Variants in FAM234A observed in about 807,000 individuals in gnomAD.
FAM234A encodes the protein protein FAM234A.
In FAM234A, 42 loss-of-function variants were observed where a neutral mutation model predicts 49.1. The ratio of observed to expected loss-of-function variants is 0.86; its 90% CI spans 0.67 to 1.11. The LOEUF is 1.11. Ranked by LOEUF, FAM234A falls within the 50% of genes least tolerant of loss-of-function variation. FAM234A has a pLI of 0.00. For missense variants in FAM234A, 815 were observed against 745.2 expected (o/e 1.09, Z -1.09); for synonymous variants, 369 against 316.2 (o/e 1.17, Z -1.77).
chr16:252,249 T>C (rs1458818240), intron 2 of FAM234A, among the ~76,000 whole-genome samples: 1 of 149,842 alleles, frequency 6.7e-6, no homozygotes, highest in South Asian at 2.1e-4. Context: ...TGGCGCGATC[T>C]TGGCTCACTA....
chr16:260,211 AC>A (rs757163138), intron 5 of FAM234A, 51 bp downstream of exon 5: 5 of 1,550,648 alleles, frequency 3.2e-6, no homozygotes, highest in Non-Finnish European at 2.7e-6. Context: ...CACCTGAGCC[AC>A]CTCACCCTGA....
Position 265,596 on chromosome 16 carries a change from T to C in FAM234A, c.*574T>C. The C allele has an allele frequency of 1.0e-6, 1 of 985,820 alleles. No individual in the cohort carries two copies. The highest frequency in any genetic ancestry group is 1.2e-6 in the Non-Finnish European group (1 of 830,282). 61.1% of individuals were successfully genotyped at this position (985,820 alleles called of 1,614,324 possible). A position where few individuals can be genotyped will look rare whatever the true frequency, so the allele number is the denominator to read the frequency against. On this transcript the variant is annotated 3_prime_UTR_variant, in exon 13 of 13. Coordinates refer to ENST00000399932, the MANE Select transcript of FAM234A (RefSeq NM_032039.4). ...CCTTCCCGGAGCTACAGGGGGATCCTCTAGCATGGGGGGTGTGACTTGGTT... is the reference window on the plus strand; with the variant it reads ...CCTTCCCGGAGCTACAGGGGGATCCCCTAGCATGGGGGGTGTGACTTGGTT...
chr16:264,990 T>A lies in FAM234A; in HGVS notation c.1627T>A (p.Phe543Ile), dbSNP rs778613284. ...CAGTGACCAAGCCATCAGGGACCGGTTCTCCCGGCTGCGGTACCAGAGTGA... is the reference window on the plus strand; with the variant it reads ...CAGTGACCAAGCCATCAGGGACCGGATCTCCCGGCTGCGGTACCAGAGTGA... ...PDSDQAIRDR[F>I]SRLRYQSEA Residue 543 changes from phenylalanine to isoleucine, a missense_variant, in exon 13 of 13, where the codon TTC becomes ATC. Physicochemically the swap from Phe to Ile is conservative, Grantham distance 21. Coordinates refer to ENST00000399932, the MANE Select transcript of FAM234A (RefSeq NM_032039.4). 2.0e-5 allele frequency: 32 copies of A among 1,610,862 alleles called. No homozygotes were observed. The highest frequency in any genetic ancestry group is 1.6e-4 in the Middle Eastern group (1 of 6,078).
At position 265,422 on chromosome 16, in the gene FAM234A, A is replaced by G; in HGVS notation, c.*400A>G. 2.0e-6 allele frequency: 2 copies of G among 1,010,462 alleles called. No homozygotes were observed. The highest frequency in any genetic ancestry group is 2.4e-6 in the Non-Finnish European group (2 of 846,798). The allele number at this position is 1,010,462 out of a possible 1,614,324, so 62.6% of individuals were successfully genotyped here. A position where few individuals can be genotyped will look rare whatever the true frequency, so the allele number is the denominator to read the frequency against. On this transcript the variant is annotated 3_prime_UTR_variant, in exon 13 of 13. Transcript: ENST00000399932. Reference sequence around the variant, plus strand: ...GCCAGAGCGGCCATCGCGTAGAAAGAACCAGGGTGTCCCCGGGACAGGCCG... The same window carrying G: ...GCCAGAGCGGCCATCGCGTAGAAAGGACCAGGGTGTCCCCGGGACAGGCCG...
chr16:263,323 G>T lies in FAM234A; in HGVS notation c.1033G>T (p.Val345Leu), dbSNP rs371412736. The T allele has an allele frequency of 5.0e-6, 8 of 1,613,240 alleles. No individual in the cohort carries two copies. Among genetic ancestry groups the T allele is most frequent in the Non-Finnish European group, 6.8e-6 (8 of 1,180,006 alleles). The change falls in exon 9 of 13, where the codon GTG becomes TTG. Residue 345 changes from valine (V) to leucine (L), a missense_variant. Val to Leu is a conservative substitution (Grantham distance 32). Transcript: ENST00000399932. ...GAACGCCGGTGCAGATGTGCTTCTTGTGGGCTCAGAGGCCTTCGTGCTGCT... is the reference window on the plus strand; with the variant it reads ...GAACGCCGGTGCAGATGTGCTTCTTTTGGGCTCAGAGGCCTTCGTGCTGCT... ...PGNAGADVLLVGSEAFVLLDG... is the reference protein window; with the variant it reads ...PGNAGADVLLLGSEAFVLLDG...
In FAM234A at chr16:259,591, T is replaced by C. The variant is rs1269549109; in HGVS notation, c.377T>C (p.Val126Ala). 1.3e-6 allele frequency: 2 copies of C among 1,587,230 alleles called. No homozygotes were observed. The highest frequency in any genetic ancestry group is 3.4e-5 in the Admixed American group (2 of 59,080). ...NSSNNFSRSC[V>A]DEGFSSPCTF... The stretch of plus-strand genomic sequence containing the variant: ...AGCAACAATTTCAGCCGATCCTGTG[T>C]GGACGAAGGTAATTTCATTTTATAT... The change falls in exon 4 of 13, where the codon GTG (valine) becomes GCG (alanine). Residue 126 changes from valine to alanine, a missense_variant. Coordinates refer to ENST00000399932, the MANE Select transcript of FAM234A (RefSeq NM_032039.4).
At chr16:263,869 G>A (rs548420101) in intron 10 of FAM234A, 94 bp downstream of exon 10, 15 of 1,394,652 alleles carry the variant, frequency 1.1e-5, no homozygotes, top group Admixed American at 5.1e-5. Flanking sequence ...GGAGGCTGCT[G>A]CCGTCAGAGC....
At chr16:267,911 A>G (rs1036090638), downstream of FAM234A, among the ~76,000 whole-genome samples, 7 of 142,944 alleles carry the variant, frequency 4.9e-5, no homozygotes, top group African/African-American at 8.0e-5. Context: ...TGCATGCCTC[A>G]CAGTACACCT....
intron 3 of FAM234A, among the ~76,000 whole-genome samples, chr16:257,040 C>T (rs1251667012): frequency 6.6e-6 from 1 of 152,002 alleles, no homozygotes; most frequent in African/African-American, 2.4e-5. Context: ...CCACGCTTGG[C>T]CGTAACTTTT....
At chr16:246,678 T>C (rs973015614) in intron 1 of FAM234A, among the ~76,000 whole-genome samples, 5 of 151,464 alleles carry the variant, frequency 3.3e-5, no homozygotes, top group Non-Finnish European at 7.4e-5. Flanking sequence ...TTTGGCCTCC[T>C]AAAGTGCTGG....
At chr16:268,164 CTGCACACG>C (rs2051758507), downstream of FAM234A, 4 of 166,274 alleles carry the variant, frequency 2.4e-5, no homozygotes, top group Middle Eastern at 6.3e-3. Flanking sequence ...CTCAGTACAC[CTGCACACG>C]TGCACTACAC....
chr16:267,920 C>G (rs1434944601), downstream of FAM234A, among the ~76,000 whole-genome samples: 1 of 149,018 alleles, frequency 6.7e-6, no homozygotes, highest in Admixed American at 6.9e-5. Context: ...CACAGTACAC[C>G]TGCACACGTG....
Position 262,233 on chromosome 16 carries a change from G to T in FAM234A, c.841+8G>T. 1.2e-6 allele frequency: 2 copies of T among 1,613,672 alleles called. No individual in the cohort carries two copies. Among genetic ancestry groups the T allele is most frequent in the Non-Finnish European group, 1.7e-6 (2 of 1,179,848 alleles). On this transcript the variant is annotated splice_region_variant and intron_variant, in intron 7 of 12. Transcript: ENST00000399932. Reference sequence around the variant, plus strand: ...ACATCCTCTTTCCCTGCGGTACGTTGTTTCTGCCACATCCCTGGCCAGCCT... The same window carrying T: ...ACATCCTCTTTCCCTGCGGTACGTTTTTTCTGCCACATCCCTGGCCAGCCT...
chr16:259,975 C>G lies in FAM234A; in HGVS notation c.392C>G (p.Ser131Cys). 6.2e-7 allele frequency: 1 copy of G among 1,612,926 alleles called. No homozygotes were observed. The highest frequency in any genetic ancestry group is 8.5e-7 in the Non-Finnish European group (1 of 1,179,752). Residue 131 changes from serine (S) to cysteine (C), a missense_variant, in exon 5 of 13, where the codon TCC becomes TGC. Transcript: ENST00000399932. ...FSRSCVDEGF[S>C]SPCTFAAAVS... The stretch of plus-strand genomic sequence containing the variant: ...CCGGTGTCTCTCCCTACAGGCTTTT[C>G]CTCTCCCTGCACCTTTGCAGCTGCT...
downstream of FAM234A, chr16:269,344 G>A (rs1215113499): frequency 6.2e-7 from 1 of 1,603,556 alleles, no homozygotes; most frequent in Non-Finnish European, 8.5e-7. Flanking sequence ...GTGCAGGGCT[G>A]GGGCTCGAGT....
chr16:240,843 T>A (rs1450817899), intron 1 of FAM234A, among the ~76,000 whole-genome samples: 1 of 152,196 alleles, frequency 6.6e-6, no homozygotes, highest in African/African-American at 2.4e-5. Flanking sequence ...CTTTTCAGTT[T>A]CTGTTTCTAA....
chr16:259,379 C>T (rs1474748118), intron 3 of FAM234A, 104 bp from the exon 4 acceptor site: 4 of 693,190 alleles, frequency 5.8e-6, no homozygotes, highest in Non-Finnish European at 1.0e-5. Context: ...GGTGCCCTCA[C>T]AGTGGCAGGT....
At chr16:240,210 A>C (rs2050561888) in intron 1 of FAM234A, 1 of 152,196 alleles carries the variant, frequency 6.6e-6, no homozygotes, top group Non-Finnish European at 1.5e-5. Flanking sequence ...GCATTTGGGC[A>C]CACTCGCTAC....
At chr16:235,261 G>GT (rs1034787684) in intron 1 of FAM234A, among the ~76,000 whole-genome samples, 4 of 152,274 alleles carry the variant, frequency 2.6e-5, no homozygotes, top group East Asian at 1.9e-4. Context: ...GCCTGAGAGT[G>GT]TTTTTTTATG....
Sources: gnomAD v4.1 joint callset for allele counts (sites outside exome capture counted in the v4.1 genomes callset) on GRCh38, gnomAD v4.1.1 for gene constraint, MANE v1.5 for transcripts, NCBI Gene and HGNC (gene_info 2026-07-23, HGNC 2026-07-21) for gene names.